Variants in ZDHHC11 observed in about 807,000 individuals in gnomAD.
ZDHHC11 encodes the protein palmitoyltransferase ZDHHC11.
A neutral mutation model predicts 51.3 loss-of-function variants in ZDHHC11; 44 were observed. The observed-to-expected ratio is 0.86, with a 90% CI of 0.67 to 1.10. The LOEUF (loss-of-function observed/expected upper bound fraction) is 1.10, where lower values mean the gene tolerates loss of function less well. ZDHHC11 is among the 50% of genes least tolerant of loss of function. ZDHHC11 has a pLI of 0.00. For missense variants in ZDHHC11, 400 were observed against 537.7 expected (o/e 0.74, Z 2.53); for synonymous variants, 163 against 222.0 (o/e 0.73, Z 2.36).
At chr5:824,106 G>A (rs902350990) in intron 8 of ZDHHC11, 1 of 454,700 alleles carries the variant, frequency 2.2e-6, no homozygotes, top group Non-Finnish European at 4.4e-6. Context: ...GCCCCCACAG[G>A]GAAGGAGAAC....
chr5:840,743 G>C lies in ZDHHC11; in HGVS notation c.629-93C>G, dbSNP rs1744708916. ...CAGACCAGAGCGTGCTGGGGATGGG[G>C]CGGTGTGGGGACAGCCAGTGCGAGG... On this transcript the variant is annotated intron_variant, in intron 4 of 12. Transcript: ENST00000283441. 11 of 1,586,314 alleles carry C rather than the reference G, an allele frequency of 6.9e-6. No individual in the cohort carries two copies. The South Asian group carries it at 1.1e-4, about 17-fold the overall frequency.
chr5:844,894 G>A (rs1220278385), intron 3 of ZDHHC11, among the ~76,000 whole-genome samples: 1 of 152,306 alleles, frequency 6.6e-6, no homozygotes, highest in Non-Finnish European at 1.5e-5. Flanking sequence ...AGCAGTTCCT[G>A]GAACATACTT....
At chr5:845,900 C>G (rs377765106) in intron 3 of ZDHHC11, among the ~76,000 whole-genome samples, 9,322 of 146,762 alleles carry the variant, frequency 0.064, 11 homozygotes, top group East Asian at 0.2. Flanking sequence ...CCCTCTCCAG[C>G]ACCCCTCCTG....
At chr5:846,044 T>C (rs944733660) in intron 3 of ZDHHC11, among the ~76,000 whole-genome samples, 1 of 150,396 alleles carries the variant, frequency 6.6e-6, no homozygotes, top group Admixed American at 6.6e-5. Context: ...CACCTGGGGC[T>C]AGCATGAGCC....
rs375953232 is a variant in ZDHHC11, at chr5:850,619, G to C, written c.-17C>G. The C allele has an allele frequency of 2.5e-6, 4 of 1,611,454 alleles. No individual in the cohort carries two copies. The African/African-American group carries it at 5.4e-5, about 22-fold the overall frequency. The stretch of plus-strand genomic sequence containing the variant: ...GGTGTCCATCTGCAGGACACAGAAG[G>C]GGAGGACCTGCGCCGTCAGATCCTG... On this transcript the variant is annotated 5_prime_UTR_variant, in exon 1 of 13. Coordinates refer to ENST00000283441, the MANE Select transcript of ZDHHC11 (RefSeq NM_024786.3).
Position 850,426 on chromosome 5 carries a change from G to A in ZDHHC11, c.177C>T (p.Ile59=). The change falls in exon 1 of 13, where the codon ATC becomes ATT. Residue 59 remains isoleucine, a synonymous_variant. Coordinates refer to ENST00000283441, the MANE Select transcript of ZDHHC11 (RefSeq NM_024786.3). The part of the protein sequence containing the change: ...FVGLSSATFG[I]FIPFLPHAWK... ...ACGCGTGAGGCAGGAAGGGAATGAAGATCCCGAAGGTGGCCGAGGAAAGGC... is the reference window on the plus strand; with the variant it reads ...ACGCGTGAGGCAGGAAGGGAATGAAAATCCCGAAGGTGGCCGAGGAAAGGC... The A allele has an allele frequency of 1.2e-6, 2 of 1,613,676 alleles. No homozygotes were observed. The highest frequency in any genetic ancestry group is 1.6e-4 in the Middle Eastern group (1 of 6,062).
chr5:843,793 TGGGGGGCACGGGGGCAG>T, intron 3 of ZDHHC11, 69 bp from the exon 4 acceptor site: 3 of 43,078 alleles, frequency 7.0e-5, no homozygotes, highest in Non-Finnish European at 7.6e-5. Context: ...GGGGCAGGTG[TGGGGGGCACGGGGGCAG>T]GGGGTGTGCA....
chr5:823,302 G>A (rs1402525108), intron 8 of ZDHHC11: 1 of 150,766 alleles, frequency 6.6e-6, no homozygotes, highest in African/African-American at 2.4e-5. Flanking sequence ...AGGTGGGACT[G>A]AGCTGTGTGT....
chr5:860,520 C>A (rs1748739474), upstream of ZDHHC11, among the ~76,000 whole-genome samples: 1 of 152,008 alleles, frequency 6.6e-6, no homozygotes, highest in South Asian at 2.1e-4. This position sits in a 1 kb window ranked among gnomAD's most constrained non-coding sequence, Gnocchi z 4.2. Context: ...GTCTCAGTCC[C>A]CATGTGCTGC....
chr5:840,777 C>T, intron 4 of ZDHHC11, 127 bp from the exon 5 acceptor site: 1 of 1,548,656 alleles, frequency 6.5e-7, no homozygotes, highest in Non-Finnish European at 8.7e-7. Flanking sequence ...GGGATGTCTC[C>T]CTGCCCAGGT....
chr5:807,896 G>C (rs1336957337), intron 11 of ZDHHC11, among the ~76,000 whole-genome samples: 2 of 150,576 alleles, frequency 1.3e-5, no homozygotes, highest in African/African-American at 5.0e-5. Context: ...GAGTGAGAGA[G>C]GTCAGCCTGG....
At chr5:808,102 AAGAC>A (rs1247908486) in intron 11 of ZDHHC11, among the ~76,000 whole-genome samples, 7 of 150,346 alleles carry the variant, frequency 4.7e-5, no homozygotes, top group Admixed American at 1.3e-4. Flanking sequence ...AGTGGACTGA[AAGAC>A]AAACCCTAGA....
intron 4 of ZDHHC11, chr5:842,713 C>T: frequency 5.4e-6 from 5 of 931,792 alleles, no homozygotes; most frequent in Non-Finnish European, 6.4e-6. Context: ...GTGGGGGCAG[C>T]TTCTCCAGCA....
At chr5:802,872 A>AAAAAAAAAAAC (rs1561228390) in intron 11 of ZDHHC11, among the ~76,000 whole-genome samples, 1 of 110,648 alleles carries the variant, frequency 9.0e-6, no homozygotes, top group African/African-American at 3.5e-5. Flanking sequence ...AAAAAAAAAA[A>AAAAAAAAAAAC]AAGCTAAATG....
rs1269344470 is a variant in ZDHHC11 at position 858,618 on chromosome 5, G to A, written c.-1+256C>T. On this transcript the variant is annotated intron_variant, in intron 1 of 3. Coordinates refer to the ZDHHC11 transcript ENST00000685990. Reference sequence around the variant, plus strand: ...CCTCCAGCCCCCCAAACGTGTCCTCGTCCCCCTCTGGGCCTGCTCAGCCAC... The same window carrying A: ...CCTCCAGCCCCCCAAACGTGTCCTCATCCCCCTCTGGGCCTGCTCAGCCAC... 3.9e-5 allele frequency among the ~76,000 whole-genome samples: 6 copies of A among 152,116 alleles called. No individual in the cohort carries two copies. The East Asian group carries it at 5.8e-4, about 15-fold the overall frequency.
rs548176844 is a variant in ZDHHC11, at chr5:827,761, T to C, written c.936-2510A>G. Among the ~76,000 whole-genome samples the C allele has an allele frequency of 8.0e-4, 121 of 150,816 alleles. No homozygotes were observed. The East Asian group carries it at 0.02, about 25-fold the overall frequency. On this transcript the variant is annotated intron_variant, in intron 7 of 12. Coordinates refer to ENST00000283441, the MANE Select transcript of ZDHHC11 (RefSeq NM_024786.3). The stretch of plus-strand genomic sequence containing the variant: ...TTATTCTTTATTTTTTTTTTTTTAT[T>C]GATCATTCTTGGGTGTTTCTCACAG...
intron 11 of ZDHHC11, among the ~76,000 whole-genome samples, chr5:814,004 G>A (rs10062120): frequency 0.15 from 19,304 of 130,906 alleles, 1,059 homozygotes; most frequent in African/African-American, 0.29. Context: ...GTAGAGTGTA[G>A]GAGCGCAATA....
Position 843,604 on chromosome 5 carries a change from A to T in ZDHHC11, c.624T>A (p.Tyr208Ter). 1 of 1,608,316 alleles carries T rather than the reference A, an allele frequency of 6.2e-7. No individual in the cohort carries two copies. The highest frequency in any genetic ancestry group is 8.5e-7 in the Non-Finnish European group (1 of 1,176,614). ...TTGAGAGCGGCGGCCACGTACCTTC[A>T]TACCTGGGGTCCGTGCGGAGCACCC... ...NPGVLRTDPR[Y>*]EDVKNMNTWL... The change falls in exon 4 of 13, where the codon TAT (tyrosine) becomes TAA (stop). Residue 208 changes from tyrosine to a stop codon, truncating the protein, a stop_gained. Coordinates refer to ENST00000283441, the MANE Select transcript of ZDHHC11 (RefSeq NM_024786.3). LOFTEE classifies it high-confidence loss of function.
chr5:841,056 CT>C, intron 4 of ZDHHC11: 1 of 1,009,590 alleles, frequency 9.9e-7, no homozygotes, highest in Admixed American at 7.7e-5. Flanking sequence ...GTGCCCACCC[CT>C]TCCTCACTAA....
Sources: allele counts gnomAD v4.1 joint callset (sites outside exome capture counted in the v4.1 genomes callset), GRCh38; gene constraint gnomAD v4.1.1; non-coding constraint Gnocchi (gnomAD v3.1); transcripts MANE v1.5; gene names NCBI Gene and HGNC (gene_info 2026-07-23, HGNC 2026-07-21).